The following MGRN1 variants were observed in gnomAD, a reference collection of about 807,000 sequenced individuals.
The protein encoded by MGRN1 is mahogunin ring finger 1.
In MGRN1, 29 loss-of-function variants were observed where a neutral mutation model predicts 69.2. The observed-to-expected ratio is 0.42, with a 90% CI of 0.31 to 0.57. The LOEUF is 0.57. Among genes scored for constraint, MGRN1 ranks in the 20% least tolerant of loss-of-function variants. The pLI, the probability that MGRN1 is intolerant of heterozygous loss-of-function variation, is 0.15. For missense variants in MGRN1, 998 were observed against 796.2 expected (o/e 1.25, Z -3.05); for synonymous variants, 470 against 344.2 (o/e 1.37, Z -4.04).
chr16:4,657,459 C>T, intron 5 of MGRN1, 96 bp downstream of exon 5: 3 of 1,224,404 alleles, frequency 2.5e-6, no homozygotes, highest in Non-Finnish European at 3.6e-6. Flanking sequence ...TGTTTGGCTT[C>T]CTCCAGGGTT....
At chr16:4,678,167 C>T (rs1336409318) in intron 11 of MGRN1, among the ~76,000 whole-genome samples, 1 of 152,198 alleles carries the variant, frequency 6.6e-6, no homozygotes, top group Non-Finnish European at 1.5e-5. Flanking sequence ...AGTGAATGAG[C>T]CATGCTGTTT....
intron 13 of MGRN1, among the ~76,000 whole-genome samples, chr16:4,682,143 C>T (rs575848758): frequency 4.9e-4 from 75 of 152,294 alleles, no homozygotes; most frequent in African/African-American, 1.8e-3. Context: ...CCACGTAGGC[C>T]CACTCTGCCG....
chr16:4,651,384 TAGA>T (rs1432593911), intron 2 of MGRN1, among the ~76,000 whole-genome samples: 3 of 151,578 alleles, frequency 2.0e-5, no homozygotes, highest in African/African-American at 4.9e-5. Context: ...GACAAATGGG[TAGA>T]AGAGAGAAGG....
At position 4,650,498 on chromosome 16, in the gene MGRN1, G is replaced by C. The variant is rs769155023; in HGVS notation, c.207+15G>C. 6.5e-5 allele frequency: 104 copies of C among 1,591,088 alleles called. 2 individuals carry two copies. In the South Asian group the frequency reaches 8.5e-4, roughly 13 times the overall value. ...GCCCGGTCCAGGTGGGTCTGGACAG[G>C]GCTGTCTCATGGGGCTGTGGGGGTG... On this transcript the variant is annotated intron_variant, in intron 2 of 16. Coordinates refer to ENST00000262370, the MANE Select transcript of MGRN1 (RefSeq NM_015246.4).
At chr16:4,646,186 T>G (rs2078271303) in intron 1 of MGRN1, among the ~76,000 whole-genome samples, 2 of 152,176 alleles carry the variant, frequency 1.3e-5, no homozygotes, top group African/African-American at 4.8e-5. Flanking sequence ...ATCCCAGCAC[T>G]TTGGGAGGCA....
At chr16:4,668,715 C>A (rs532177654) in intron 8 of MGRN1, among the ~76,000 whole-genome samples, 1 of 143,224 alleles carries the variant, frequency 7.0e-6, no homozygotes, top group African/African-American at 2.6e-5. Context: ...CACTCACACT[C>A]ACTCACATAT....
chr16:4,644,066 C>T (rs558973160), intron 1 of MGRN1, among the ~76,000 whole-genome samples: 2 of 152,118 alleles, frequency 1.3e-5, no homozygotes, highest in Non-Finnish European at 2.9e-5. Flanking sequence ...CAACCTCTGC[C>T]TCCCAGATGC....
intron 1 of MGRN1, among the ~76,000 whole-genome samples, chr16:4,631,784 A>G (rs1411648575): frequency 6.6e-6 from 1 of 152,170 alleles, no homozygotes. Flanking sequence ...TGCAATTTTG[A>G]TAAGTATTAC....
rs200301873 is a variant in MGRN1, at chr16:4,682,830, C to A, written c.1366C>A (p.Arg456=). Residue 456 remains arginine, a synonymous_variant, in exon 14 of 17, where the codon CGG becomes AGG. Transcript: ENST00000262370. The part of the protein sequence containing the change: ...PQSKAPDSTL[R]SPSSPIHEED... Reference sequence around the variant, plus strand: ...CCTCTCCTCTGTCCCCAGCACCCTACGGTCCCCGTCTTCCCCCATCCACGA... The same window carrying A: ...CCTCTCCTCTGTCCCCAGCACCCTAAGGTCCCCGTCTTCCCCCATCCACGA... 178 of 1,586,250 alleles carry A rather than the reference C, an allele frequency of 1.1e-4. No individual in the cohort carries two copies. The highest frequency in any genetic ancestry group is 1.0e-3 in the East Asian group (45 of 44,184).
At chr16:4,654,560 G>C (rs1410585500) in intron 4 of MGRN1, among the ~76,000 whole-genome samples, 1 of 152,246 alleles carries the variant, frequency 6.6e-6, no homozygotes, top group Non-Finnish European at 1.5e-5. Context: ...ACACCGCTCA[G>C]TGGTCAGCTT....
chr16:4,668,422 C>T (rs2078854871), intron 8 of MGRN1, 110 bp downstream of exon 8: 3 of 1,040,528 alleles, frequency 2.9e-6, no homozygotes, highest in Non-Finnish European at 4.3e-6. Flanking sequence ...CACATATACT[C>T]ATACACGCTC....
At chr16:4,629,150 ATGTG>A (rs377682804) in intron 1 of MGRN1, among the ~76,000 whole-genome samples, 1,809 of 127,660 alleles carry the variant, frequency 0.014, 47 homozygotes, top group Admixed American at 0.083. Flanking sequence ...TTCTGTTCGT[ATGTG>A]TGTGTGTGTG....
intron 8 of MGRN1, 197 bp from the exon 9 acceptor site, chr16:4,671,194 C>G (rs1186520604): frequency 9.9e-6 from 6 of 604,370 alleles, no homozygotes; most frequent in South Asian, 2.0e-5. Flanking sequence ...GGCTCCAGCC[C>G]TGTTCCAGGT....
At chr16:4,668,437 A>T (rs1001793599) in intron 8 of MGRN1, 125 bp downstream of exon 8, 1 of 920,208 alleles carries the variant, frequency 1.1e-6, no homozygotes. Flanking sequence ...ACGCTCATAC[A>T]CACTCATACA....
In MGRN1 at chr16:4,652,832, C is replaced by T. The variant is rs751585824; in HGVS notation, c.443+8C>T. On this transcript the variant is annotated splice_region_variant and intron_variant, in intron 4 of 16. Transcript: ENST00000262370. ...CCTGAACGGCAGGGCAGTGTGAGTC[C>T]CGCGGGCGGCTGGCACCGGCCTGGC... is the stretch of plus-strand genomic sequence containing the variant. 1.3e-6 allele frequency: 2 copies of T among 1,589,400 alleles called. No individual in the cohort carries two copies. The highest frequency in any genetic ancestry group is 3.5e-5 in the Admixed American group (2 of 57,772).
chr16:4,688,710 C>T lies in MGRN1; in HGVS notation c.1619-86C>T, dbSNP rs956813862. 3.5e-5 allele frequency: 51 copies of T among 1,473,362 alleles called. No homozygotes were observed. The Admixed American group carries it at 4.7e-4, about 14-fold the overall frequency. The allele number at this position is 1,473,362 out of a possible 1,614,324, so 91.3% of individuals were successfully genotyped here. A position where few individuals can be genotyped will look rare whatever the true frequency, so the allele number is the denominator to read the frequency against. The stretch of plus-strand genomic sequence containing the variant: ...GAGTGGGGGTGCTGGATGGCCCAGC[C>T]CCTCTGGGGCTCCAGATCGGTAGGA... On this transcript the variant is annotated intron_variant, in intron 16 of 16. Coordinates refer to ENST00000262370, the MANE Select transcript of MGRN1 (RefSeq NM_015246.4).
At chr16:4,625,654 A>G (rs1031709855) in intron 1 of MGRN1, among the ~76,000 whole-genome samples, 3 of 152,190 alleles carry the variant, frequency 2.0e-5, no homozygotes, top group South Asian at 2.1e-4. Context: ...GAGGGACGTA[A>G]GACACCAAGG....
In MGRN1 at chr16:4,689,023, G is replaced by T; in HGVS notation, c.*115G>T. ...TCTGCATGCCCCCTGTGGCCACCAG[G>T]CTCCGAGGGGCCGTGGTGACTCTTG... On this transcript the variant is annotated 3_prime_UTR_variant, in exon 17 of 17. Coordinates refer to ENST00000262370, the MANE Select transcript of MGRN1 (RefSeq NM_015246.4). 1 of 1,357,754 alleles carries T rather than the reference G, an allele frequency of 7.4e-7. No individual in the cohort carries two copies. The highest frequency in any genetic ancestry group is 1.5e-5 in the African/African-American group (1 of 68,294). 84.1% of individuals were successfully genotyped at this position (1,357,754 alleles called of 1,614,324 possible).
At chr16:4,668,105 G>T (rs929250671) in intron 7 of MGRN1, among the ~76,000 whole-genome samples, 160 bp from the exon 8 acceptor site, 1 of 151,626 alleles carries the variant, frequency 6.6e-6, no homozygotes, top group South Asian at 2.1e-4. Flanking sequence ...CGGCTCTTTC[G>T]CTGTCAAGTG....
Sources: gnomAD v4.1 joint callset for allele counts (sites outside exome capture counted in the v4.1 genomes callset) on GRCh38, gnomAD v4.1.1 for gene constraint, MANE v1.5 for transcripts, NCBI Gene and HGNC (gene_info 2026-07-23, HGNC 2026-07-21) for gene names.